SEC24A: variants seen among roughly 807,000 people sequenced by gnomAD.
SEC24A encodes protein transport protein Sec24A.
SEC24A carries 93 observed loss-of-function variants against 129.4 expected under a neutral mutation model. That is an observed-to-expected ratio of 0.72 (90% confidence interval 0.61 to 0.85). The LOEUF is 0.85. Among genes scored for constraint, SEC24A ranks in the 40% least tolerant of loss-of-function variants. The pLI is 0.00. For missense variants in SEC24A, 1,264 were observed against 1,307.4 expected, an observed-to-expected ratio of 0.97 and a Z score of 0.51; for synonymous variants, 460 against 467.3, an observed-to-expected ratio of 0.98 and a Z score of 0.20.
chr5:134,659,047 T>TTTTATTTA (rs142189667), intron 1 of SEC24A, among the ~76,000 whole-genome samples: 44,721 of 138,596 alleles, frequency 0.32, 7,717 homozygotes, highest in Middle Eastern at 0.42. Context: ...ACCCATTTAT[T>TTTTATTTA]TTTATTTATT....
chr5:134,661,168 A>G lies in SEC24A; in HGVS notation c.147A>G (p.Gly49=), dbSNP rs758958145. The G allele has an allele frequency of 1.9e-6, 3 of 1,613,868 alleles. No individual in the cohort carries two copies. In the East Asian group the frequency reaches 6.7e-5, roughly 36 times the overall value. ...LLSSQESVSQ[G]YNFQLPGSYP... The stretch of plus-strand genomic sequence containing the variant: ...CTTCACAAGAGTCAGTGAGCCAAGG[A>G]TACAATTTCCAGCTTCCAGGATCCT... The change falls in exon 2 of 23, where the codon GGA becomes GGG. Residue 49 remains glycine (G), a synonymous_variant. Transcript: ENST00000398844.
In SEC24A at chr5:134,661,336, T is replaced by C; in HGVS notation, c.315T>C (p.Ala105=). 1 of 1,614,168 alleles carries C rather than the reference T, an allele frequency of 6.2e-7. No individual in the cohort carries two copies. The highest frequency in any genetic ancestry group is 8.5e-7 in the Non-Finnish European group (1 of 1,180,032). The change falls in exon 2 of 23, where the codon GCT becomes GCC. Residue 105 remains alanine, a synonymous_variant. Transcript: ENST00000398844. ...CACCTTCGCTTCATAGTGGTCCTGC[T>C]CCCCGAATGCCATTACCTGCTTCTC... The part of the protein sequence containing the change: ...PVTPSLHSGP[A]PRMPLPASQN...
At chr5:134,683,523 T>G (rs1751345844) in intron 9 of SEC24A, among the ~76,000 whole-genome samples, 1 of 152,196 alleles carries the variant, frequency 6.6e-6, no homozygotes, top group Admixed American at 6.5e-5. Flanking sequence ...TAACGTTTAT[T>G]TCTTTTAGAG....
In SEC24A at chr5:134,669,540, G is replaced by A. The variant is rs564950006; in HGVS notation, c.740-2269G>A. Among the ~76,000 whole-genome samples the A allele has an allele frequency of 3.3e-5, 5 of 151,406 alleles. No homozygotes were observed. In the East Asian group the frequency reaches 5.9e-4, roughly 18 times the overall value. On this transcript the variant is annotated intron_variant, in intron 3 of 22. Coordinates refer to ENST00000398844, the MANE Select transcript of SEC24A (RefSeq NM_021982.3). ...CTGCCAGGCTGGAGTGCAGTGGCAC[G>A]ATCTTGGCTCACTGCAACCTCCGCT...
At chr5:134,709,393 T>C (rs903595032) in intron 18 of SEC24A, among the ~76,000 whole-genome samples, 1 of 152,168 alleles carries the variant, frequency 6.6e-6, no homozygotes. Context: ...GAAAACTGAT[T>C]CAGAGCAAGT....
At chr5:134,706,093 G>C (rs1355372911) in intron 17 of SEC24A, among the ~76,000 whole-genome samples, 2 of 152,070 alleles carry the variant, frequency 1.3e-5, no homozygotes, top group Non-Finnish European at 2.9e-5. Flanking sequence ...TCTTCATGTG[G>C]TCGGGCTGGT....
chr5:134,674,608 T>C lies in SEC24A; in HGVS notation c.818-7T>C, dbSNP rs769553335. On this transcript the variant is annotated splice_region_variant and splice_polypyrimidine_tract_variant and intron_variant, in intron 4 of 22. Coordinates refer to ENST00000398844, the MANE Select transcript of SEC24A (RefSeq NM_021982.3). Reference sequence around the variant, plus strand: ...AAAATAGAACTTAAAAGTTACCTTGTTTCTAGCAACACCACAGCTTACTAA... The same window carrying C: ...AAAATAGAACTTAAAAGTTACCTTGCTTCTAGCAACACCACAGCTTACTAA... 6.2e-7 allele frequency: 1 copy of C among 1,608,906 alleles called. No homozygotes were observed. Among genetic ancestry groups the C allele is most frequent in the South Asian group, 1.1e-5 (1 of 90,106 alleles).
At chr5:134,653,551 C>A (rs1387105867) in intron 1 of SEC24A, among the ~76,000 whole-genome samples, 1 of 152,052 alleles carries the variant, frequency 6.6e-6, no homozygotes, top group Non-Finnish European at 1.5e-5. Flanking sequence ...ACATCTAGCA[C>A]AGATATTTTA....
chr5:134,669,984 T>G (rs1245696844), intron 3 of SEC24A, among the ~76,000 whole-genome samples: 1 of 152,116 alleles, frequency 6.6e-6, no homozygotes, highest in African/African-American at 2.4e-5. Flanking sequence ...TGGAGTGCAG[T>G]GGAAGGATCT....
chr5:134,668,061 A>G (rs1028443305), intron 3 of SEC24A, among the ~76,000 whole-genome samples: 17 of 150,468 alleles, frequency 1.1e-4, no homozygotes, highest in Non-Finnish European at 4.4e-5. Context: ...TAAAAATACA[A>G]AAATTAGCCT....
At chr5:134,697,870 A>G (rs1282270015) in intron 14 of SEC24A, 29 bp from the exon 15 acceptor site, 1 of 1,575,910 alleles carries the variant, frequency 6.3e-7, no homozygotes, top group Non-Finnish European at 8.6e-7. Flanking sequence ...TTAACGGCAC[A>G]GTTTAAAACA....
intron 15 of SEC24A, among the ~76,000 whole-genome samples, chr5:134,703,459 G>A (rs1448168615): frequency 6.6e-6 from 1 of 152,048 alleles, no homozygotes; most frequent in Non-Finnish European, 1.5e-5. Context: ...GTAGAGACAG[G>A]GTTTCACCAT....
At chr5:134,715,549 A>G (rs1752451931) in intron 19 of SEC24A, 1 of 164,600 alleles carries the variant, frequency 6.1e-6, no homozygotes, top group Non-Finnish European at 1.3e-5. Flanking sequence ...TGCCCCTTGT[A>G]CAAGGATGAC....
intron 3 of SEC24A, among the ~76,000 whole-genome samples, chr5:134,667,882 A>G (rs981908531): frequency 2.0e-5 from 3 of 152,108 alleles, no homozygotes; most frequent in African/African-American, 7.2e-5. Context: ...AATGGAAATA[A>G]GAGTGTTCAT....
At chr5:134,718,708 A>C (rs1752546929) in intron 20 of SEC24A, among the ~76,000 whole-genome samples, 1 of 152,198 alleles carries the variant, frequency 6.6e-6, no homozygotes, top group South Asian at 2.1e-4. Context: ...ACGGTGGCTC[A>C]TGCCTATAAT....
Position 134,674,690 on chromosome 5 carries a change from G to A in SEC24A, c.893G>A (p.Gly298Asp). 6.2e-7 allele frequency: 1 copy of A among 1,613,982 alleles called. No individual in the cohort carries two copies. Among genetic ancestry groups the A allele is most frequent in the Non-Finnish European group, 8.5e-7 (1 of 1,179,942 alleles). Residue 298 changes from glycine (G) to aspartate (D), a missense_variant, in exon 5 of 23, where the codon GGT becomes GAT. By Grantham distance (94) the Gly-to-Asp change is moderately conservative (BLOSUM62 -1). Coordinates refer to ENST00000398844, the MANE Select transcript of SEC24A (RefSeq NM_021982.3). ...TATTCATATCCCTCCTTACCACCTG[G>A]TTATCAGAACACAACACCACCTGGT... is the stretch of plus-strand genomic sequence containing the variant. ...VGYSYPSLPP[G>D]YQNTTPPGAT...
chr5:134,688,271 T>C lies in SEC24A; in HGVS notation c.1695T>C (p.Pro565=), dbSNP rs776687346. The change falls in exon 11 of 23, where the codon CCT becomes CCC. Residue 565 remains proline, a synonymous_variant. Transcript: ENST00000398844. ...FYGLQESLSQ[P]QMLIVSDIED... is the part of the protein sequence containing the mutation. ...GTCTTCAGGAAAGTCTCTCTCAACC[T>C]CAGATGCTAATAGTTTCAGATATTG... 4.2e-5 allele frequency: 67 copies of C among 1,596,372 alleles called. No homozygotes were observed. Among genetic ancestry groups the C allele is most frequent in the Non-Finnish European group, 5.6e-5 (65 of 1,164,044 alleles).
At chr5:134,690,896 G>A (rs1266496932) in intron 11 of SEC24A, among the ~76,000 whole-genome samples, 2 of 152,062 alleles carry the variant, frequency 1.3e-5, no homozygotes, top group Admixed American at 6.5e-5. Context: ...GTGCAGTGGC[G>A]CGATCTCAGC....
At chr5:134,662,506 C>T (rs990432364) in intron 2 of SEC24A, among the ~76,000 whole-genome samples, 1 of 152,166 alleles carries the variant, frequency 6.6e-6, no homozygotes, top group South Asian at 2.1e-4. Flanking sequence ...TCTCAGCAGA[C>T]AGCCTCAAGT....
Sources: allele counts gnomAD v4.1 joint callset (sites outside exome capture counted in the v4.1 genomes callset), GRCh38; gene constraint gnomAD v4.1.1; transcripts MANE v1.5; gene names NCBI Gene and HGNC (gene_info 2026-07-23, HGNC 2026-07-21).